VPS13B: variants seen among roughly 807,000 people sequenced by gnomAD.
VPS13B encodes the protein intermembrane lipid transfer protein VPS13B.
A neutral mutation model predicts 426.4 loss-of-function variants in VPS13B; 285 were observed. That is an observed-to-expected ratio of 0.67 (90% CI 0.61 to 0.74). The LOEUF (loss-of-function observed/expected upper bound fraction) is 0.74. VPS13B is among the 30% of genes least tolerant of loss of function. The probability of loss-of-function intolerance (pLI) is 0.00; values close to 1 mark genes in which losing one functional copy is unlikely to be tolerated. For missense variants in VPS13B, 4,537 were observed against 4,782.6 expected, an observed-to-expected ratio of 0.95 and a Z score of 1.51; for synonymous variants, 1,676 against 1,676.4, an observed-to-expected ratio of 1.00 and a Z score of 0.01.
chr8:99,175,508 A>G (rs944264245), intron 16 of VPS13B, among the ~76,000 whole-genome samples: 3 of 152,184 alleles, frequency 2.0e-5, no homozygotes, highest in Non-Finnish European at 4.4e-5. Context: ...TTGGCCAGGA[A>G]TGGTGGCTCA....
chr8:99,327,251 C>G (rs964774402), intron 19 of VPS13B, among the ~76,000 whole-genome samples: 1 of 152,102 alleles, frequency 6.6e-6, no homozygotes, highest in African/African-American at 2.4e-5. Flanking sequence ...TGAGTCATCC[C>G]AATTCAATTT....
In VPS13B at chr8:99,732,255, G is replaced by A. The variant is rs75641794; in HGVS notation, c.7050+11208G>A. Among the ~76,000 whole-genome samples, 528 of 152,304 alleles carry A rather than the reference G, an allele frequency of 3.5e-3. 5 individuals are homozygous for A. Among genetic ancestry groups the A allele is most frequent in the African/African-American group, 0.012 (502 of 41,568 alleles). On this transcript the variant is annotated intron_variant, in intron 39 of 61. Transcript: ENST00000357162. ...AGGTTAGTGATCTAGGACTGCGAAT[G>A]TCTCTACGAAGTCATGAGGACCCAT...
intron 30 of VPS13B, among the ~76,000 whole-genome samples, chr8:99,547,824 A>C (rs1824071720): frequency 6.6e-6 from 1 of 152,078 alleles, no homozygotes; most frequent in African/African-American, 2.4e-5. Context: ...TTTTGTGCTA[A>C]GGATAAGGAA....
intron 8 of VPS13B, among the ~76,000 whole-genome samples, chr8:99,128,332 A>G (rs536382080): frequency 1.7e-4 from 22 of 125,986 alleles, no homozygotes; most frequent in African/African-American, 6.7e-4. Context: ...GGTTGCAGTG[A>G]GCCAATATCG....
At chr8:99,813,929 T>C (rs1588737780) in intron 44 of VPS13B, among the ~76,000 whole-genome samples, 1 of 152,104 alleles carries the variant, frequency 6.6e-6, no homozygotes, top group African/African-American at 2.4e-5. Context: ...AGCCCAGGGG[T>C]TTGAGACCAG....
At chr8:99,362,427 A>G (rs1437531634) in intron 19 of VPS13B, among the ~76,000 whole-genome samples, 1 of 151,988 alleles carries the variant, frequency 6.6e-6, no homozygotes, top group Admixed American at 6.6e-5. Flanking sequence ...TAAGCGTGGG[A>G]CACCGCGCCT....
At chr8:99,472,762 C>G (rs1465037176) in intron 24 of VPS13B, among the ~76,000 whole-genome samples, 1 of 151,584 alleles carries the variant, frequency 6.6e-6, no homozygotes, top group Non-Finnish European at 1.5e-5. Context: ...AAAAGATCAA[C>G]AAAATTGACA....
intron 52 of VPS13B, among the ~76,000 whole-genome samples, chr8:99,833,873 A>C (rs1022312520): frequency 6.6e-6 from 1 of 152,206 alleles, no homozygotes; most frequent in Non-Finnish European, 1.5e-5. Flanking sequence ...AAGTTATCTG[A>C]GTTTGGCTCG....
At chr8:99,237,597 A>G (rs1348687143) in intron 17 of VPS13B, among the ~76,000 whole-genome samples, 4 of 152,130 alleles carry the variant, frequency 2.6e-5, no homozygotes, top group Non-Finnish European at 5.9e-5. Flanking sequence ...AAAATCACGA[A>G]TGTTTTTGGA....
At chr8:99,478,478 T>C (rs1482317050) in intron 24 of VPS13B, among the ~76,000 whole-genome samples, 1 of 147,218 alleles carries the variant, frequency 6.8e-6, no homozygotes, top group Admixed American at 6.7e-5. Flanking sequence ...TTTTTGTTTT[T>C]TTTTTTTTGC....
chr8:99,301,175 A>G (rs1452757774), intron 19 of VPS13B, among the ~76,000 whole-genome samples: 2 of 152,034 alleles, frequency 1.3e-5, no homozygotes, highest in African/African-American at 4.8e-5. Flanking sequence ...TGAGCATGCA[A>G]TTGCACCCCA....
chr8:99,194,652 C>T (rs982394472), intron 17 of VPS13B, among the ~76,000 whole-genome samples: 1 of 152,128 alleles, frequency 6.6e-6, no homozygotes, highest in Non-Finnish European at 1.5e-5. Flanking sequence ...GCCATATTTT[C>T]TTTATCCATT....
intron 21 of VPS13B, among the ~76,000 whole-genome samples, chr8:99,406,085 A>G (rs897629695): frequency 6.6e-6 from 1 of 152,064 alleles, no homozygotes; most frequent in Non-Finnish European, 1.5e-5. Context: ...GCCGCTATAT[A>G]CTTTTCATAC....
At chr8:99,787,110 A>G (rs1183390795) in intron 43 of VPS13B, among the ~76,000 whole-genome samples, 1 of 152,186 alleles carries the variant, frequency 6.6e-6, no homozygotes, top group African/African-American at 2.4e-5. Context: ...GTCAATTCAT[A>G]GTCTCAGGGA....
chr8:99,721,959 A>G (rs1833150556), intron 39 of VPS13B, among the ~76,000 whole-genome samples: 1 of 152,186 alleles, frequency 6.6e-6, no homozygotes, highest in Non-Finnish European at 1.5e-5. Flanking sequence ...TATTTTTTAA[A>G]TGTAGGTTAT....
chr8:99,254,116 A>G (rs1055374401), intron 17 of VPS13B, among the ~76,000 whole-genome samples: 6 of 152,124 alleles, frequency 3.9e-5, no homozygotes, highest in African/African-American at 1.4e-4. Flanking sequence ...TGTGTACTCT[A>G]TTTTTGCTTG....
chr8:99,139,362 A>T (rs1415264188), intron 12 of VPS13B, among the ~76,000 whole-genome samples: 1 of 152,130 alleles, frequency 6.6e-6, no homozygotes, highest in Non-Finnish European at 1.5e-5. Flanking sequence ...AAGATCACAC[A>T]CAGTATGTGG....
intron 24 of VPS13B, among the ~76,000 whole-genome samples, chr8:99,478,747 C>A (rs1819880962): frequency 6.6e-6 from 1 of 150,912 alleles, no homozygotes; most frequent in South Asian, 2.1e-4. Flanking sequence ...CCACACCTGG[C>A]GCGAGCTCTT....
intron 19 of VPS13B, among the ~76,000 whole-genome samples, chr8:99,289,957 A>G (rs572402910): frequency 6.6e-6 from 1 of 152,122 alleles, no homozygotes; most frequent in Non-Finnish European, 1.5e-5. Context: ...GGCAAGTGTC[A>G]TTAGAGTTAA....
Sources: gnomAD v4.1 joint callset for allele counts (sites outside exome capture counted in the v4.1 genomes callset) on GRCh38, gnomAD v4.1.1 for gene constraint, MANE v1.5 for transcripts, NCBI Gene and HGNC (gene_info 2026-07-23, HGNC 2026-07-21) for gene names.